Variants in CAST observed in about 807,000 individuals in gnomAD.
CAST encodes calpastatin.
CAST carries 76 observed loss-of-function variants against 119.6 expected under a neutral mutation model. The ratio of observed to expected loss-of-function variants is 0.64; its 90% CI spans 0.53 to 0.77. The LOEUF is 0.77. CAST is among the 30% of genes least tolerant of loss of function. The pLI, the probability that CAST is intolerant of heterozygous loss-of-function variation, is 0.00. For synonymous variants in CAST, 319 were observed against 331.6 expected (o/e 0.96, Z 0.41); for missense variants, 953 against 946.5 (o/e 1.01, Z -0.09).
chr5:96,686,580 G>T (rs1752110341), intron 2 of CAST, among the ~76,000 whole-genome samples: 1 of 152,120 alleles, frequency 6.6e-6, no homozygotes, highest in African/African-American at 2.4e-5. Flanking sequence ...GATAGTATCA[G>T]TTCTCTTCCA....
the CAST span, among the ~76,000 whole-genome samples, chr5:96,144,098 G>A: frequency 6.6e-6 from 1 of 152,130 alleles, no homozygotes; most frequent in South Asian, 2.1e-4. Flanking sequence ...ACATAATTAG[G>A]TGTCTTGACG....
At chr5:96,455,323 A>G in the CAST span, among the ~76,000 whole-genome samples, 2 of 152,210 alleles carry the variant, frequency 1.3e-5, no homozygotes, top group Non-Finnish European at 2.9e-5. Context: ...AAAATCATTC[A>G]TGTAAGCTTG....
At chr5:96,408,254 C>T in the CAST span, 1 of 1,614,116 alleles carries the variant, frequency 6.2e-7, no homozygotes, top group Non-Finnish European at 8.5e-7. Context: ...AAGATGCCAG[C>T]AGCCAGAGGT....
At chr5:96,400,273 A>G in the CAST span, 2 of 884,608 alleles carry the variant, frequency 2.3e-6, no homozygotes, top group Non-Finnish European at 1.9e-6. Context: ...ATCTCCATTC[A>G]GGGATTATGA....
intron 1 of CAST, among the ~76,000 whole-genome samples, chr5:96,550,431 A>C (rs1466265766): frequency 6.6e-6 from 1 of 152,214 alleles, no homozygotes; most frequent in African/African-American, 2.4e-5. Context: ...CAAAGACCAA[A>C]GGTAGATAAA....
intron 9 of CAST, among the ~76,000 whole-genome samples, chr5:96,735,231 A>G (rs2150480844): frequency 6.6e-6 from 1 of 152,350 alleles, no homozygotes; most frequent in South Asian, 2.1e-4. Context: ...TCACTTATCT[A>G]ATATCTCCAA....
the CAST span, among the ~76,000 whole-genome samples, chr5:96,217,223 T>G: frequency 6.7e-6 from 1 of 148,662 alleles, no homozygotes; most frequent in African/African-American, 2.5e-5. Context: ...TTTTTTTTTA[T>G]AGAGATGAGG....
the CAST span, among the ~76,000 whole-genome samples, chr5:96,440,743 G>A: frequency 6.6e-6 from 1 of 152,162 alleles, no homozygotes; most frequent in African/African-American, 2.4e-5. Flanking sequence ...AATAGGTATG[G>A]GAAAGTATTT....
the CAST span, among the ~76,000 whole-genome samples, chr5:96,298,045 C>T: frequency 6.6e-6 from 1 of 152,276 alleles, no homozygotes; most frequent in East Asian, 1.9e-4. Context: ...GATCTGTTGC[C>T]ACATGGTATT....
At chr5:96,009,513 T>C in the CAST span, among the ~76,000 whole-genome samples, 1 of 152,216 alleles carries the variant, frequency 6.6e-6, no homozygotes, top group African/African-American at 2.4e-5. Flanking sequence ...AGATGGTATC[T>C]CAGTGTGGTT....
chr5:96,425,009 AAAGAAAGAAAGAAAGAAAGAAAG>A, the CAST span, among the ~76,000 whole-genome samples: 64 of 8,632 alleles, frequency 7.4e-3, no homozygotes, highest in Non-Finnish European at 0.015. Flanking sequence ...GAAAGAAAGA[AAAGAAAGAAAGAAAGAAAGAAAG>A]AAAGAAAGAA....
At chr5:96,158,498 C>G in the CAST span, among the ~76,000 whole-genome samples, 7 of 151,992 alleles carry the variant, frequency 4.6e-5, no homozygotes, top group Non-Finnish European at 4.4e-5. Context: ...ATTTAAAGAT[C>G]TATAATAATA....
chr5:96,447,869 G>A, the CAST span, among the ~76,000 whole-genome samples: 1 of 152,004 alleles, frequency 6.6e-6, no homozygotes, highest in Non-Finnish European at 1.5e-5. Context: ...ACTGTGTGTT[G>A]AAACCCCATG....
chr5:96,494,483 G>A, the CAST span, among the ~76,000 whole-genome samples: 1 of 152,138 alleles, frequency 6.6e-6, no homozygotes, highest in Non-Finnish European at 1.5e-5. Flanking sequence ...CTACATGAGA[G>A]GCTAAGAATA....
At chr5:96,023,206 T>C in the CAST span, among the ~76,000 whole-genome samples, 1 of 152,128 alleles carries the variant, frequency 6.6e-6, no homozygotes, top group Admixed American at 6.5e-5. Flanking sequence ...AAAAGGGAAG[T>C]TGTGCTCCAG....
chr5:96,008,177 C>T, the CAST span, among the ~76,000 whole-genome samples: 1 of 152,316 alleles, frequency 6.6e-6, no homozygotes, highest in East Asian at 1.9e-4. Context: ...AGCTAAGATG[C>T]AGACCTTCTC....
intron 1 of CAST, among the ~76,000 whole-genome samples, chr5:96,645,876 TATA>T (rs970437763): frequency 5.3e-5 from 8 of 151,302 alleles, no homozygotes; most frequent in Admixed American, 2.6e-4. Flanking sequence ...TAAAAATATG[TATA>T]ATATTTTAAA....
the CAST span, among the ~76,000 whole-genome samples, chr5:96,507,108 G>A: frequency 6.6e-6 from 1 of 152,122 alleles, no homozygotes; most frequent in Admixed American, 6.5e-5. Context: ...CCCTCGGGGA[G>A]GATGACAAAA....
intron 1 of CAST, among the ~76,000 whole-genome samples, chr5:96,549,392 G>A (rs923875510): frequency 1.3e-5 from 2 of 152,192 alleles, no homozygotes; most frequent in East Asian, 1.9e-4. Flanking sequence ...ATTGTAGGTA[G>A]ATAAAAATAA....
Sources: gnomAD v4.1 joint callset for allele counts (sites outside exome capture counted in the v4.1 genomes callset) on GRCh38, gnomAD v4.1.1 for gene constraint, MANE v1.5 for transcripts, NCBI Gene and HGNC (gene_info 2026-07-23, HGNC 2026-07-21) for gene names.